The following HS6ST3 variants were observed in gnomAD, a reference collection of about 807,000 sequenced individuals.
HS6ST3 encodes heparan-sulfate 6-O-sulfotransferase 3.
HS6ST3 carries 12 observed loss-of-function variants against 36.7 expected under a neutral mutation model. The observed-to-expected ratio is 0.33, with a 90% confidence interval of 0.21 to 0.53. HS6ST3 has a LOEUF of 0.53. HS6ST3 is among the 20% of genes least tolerant of loss of function. The pLI is 0.95. For missense variants in HS6ST3, 584 were observed against 640.9 expected (o/e 0.91, Z 0.96); for synonymous variants, 240 against 257.5 (o/e 0.93, Z 0.65).
chr13:96,134,370 CCT>C (rs887342241), intron 1 of HS6ST3, among the ~76,000 whole-genome samples: 5 of 150,818 alleles, frequency 3.3e-5, no homozygotes, highest in African/African-American at 1.2e-4. Context: ...TTTTTTACCC[CCT>C]CTTTTTTGGT....
At chr13:96,784,758 C>G (rs1428182368) in intron 1 of HS6ST3, among the ~76,000 whole-genome samples, 1 of 152,120 alleles carries the variant, frequency 6.6e-6, no homozygotes, top group Non-Finnish European at 1.5e-5. Flanking sequence ...TACCTTCTGC[C>G]AAGCCCTTCC....
intron 1 of HS6ST3, among the ~76,000 whole-genome samples, chr13:96,711,253 A>G (rs1183957968): frequency 6.6e-6 from 1 of 152,036 alleles, no homozygotes; most frequent in African/African-American, 2.4e-5. Context: ...TGAATAACCC[A>G]ACCTCTCAAT....
intron 1 of HS6ST3, among the ~76,000 whole-genome samples, chr13:96,430,519 T>C (rs2055609924): frequency 6.6e-6 from 1 of 152,196 alleles, no homozygotes; most frequent in African/African-American, 2.4e-5. Flanking sequence ...GCCCTCATTG[T>C]TGCCATGAAC....
chr13:96,327,808 A>G (rs2055041231), intron 1 of HS6ST3, among the ~76,000 whole-genome samples: 4 of 151,904 alleles, frequency 2.6e-5, no homozygotes, highest in African/African-American at 7.3e-5. Flanking sequence ...CTTCCTACCC[A>G]TGAGCATGGA....
chr13:96,358,451 C>T (rs937580384), intron 1 of HS6ST3, among the ~76,000 whole-genome samples: 2 of 152,016 alleles, frequency 1.3e-5, no homozygotes, highest in African/African-American at 4.8e-5. Context: ...CATCTGGTCT[C>T]ATCATGAGGA....
intron 1 of HS6ST3, among the ~76,000 whole-genome samples, chr13:96,769,687 CT>C (rs1228877945): frequency 6.6e-6 from 1 of 150,836 alleles, no homozygotes; most frequent in African/African-American, 2.4e-5. Flanking sequence ...AACAATTACT[CT>C]TTTGGGGGAC....
chr13:96,592,360 T>C (rs1034665377), intron 1 of HS6ST3, among the ~76,000 whole-genome samples: 21 of 152,300 alleles, frequency 1.4e-4, no homozygotes, highest in African/African-American at 4.8e-4. Flanking sequence ...TACTATCTTA[T>C]TGTACTATGT....
At chr13:96,656,998 T>TGTGTGAGAGAGAGAGA (rs1397374817) in intron 1 of HS6ST3, among the ~76,000 whole-genome samples, 1 of 98,276 alleles carries the variant, frequency 1.0e-5, no homozygotes, top group African/African-American at 4.3e-5. Flanking sequence ...TGTGTGTGTG[T>TGTGTGAGAGAGAGAGA]GAGAGAGAGA....
chr13:96,768,050 A>G (rs1367630167), intron 1 of HS6ST3, among the ~76,000 whole-genome samples: 1 of 152,192 alleles, frequency 6.6e-6, no homozygotes, highest in African/African-American at 2.4e-5. Context: ...CTAAGGTCAT[A>G]CCACCTTGTT....
intron 1 of HS6ST3, among the ~76,000 whole-genome samples, chr13:96,649,142 C>T (rs1457749972): frequency 6.6e-6 from 1 of 151,986 alleles, no homozygotes; most frequent in Admixed American, 6.6e-5. Flanking sequence ...ATAGTCTGCT[C>T]TCACAGTGCT....
At chr13:96,257,263 A>G (rs2054641705) in intron 1 of HS6ST3, among the ~76,000 whole-genome samples, 1 of 152,184 alleles carries the variant, frequency 6.6e-6, no homozygotes, top group African/African-American at 2.4e-5. Context: ...TTTGCCATCT[A>G]TCTACTGTGC....
At chr13:96,449,551 T>C (rs1273407353) in intron 1 of HS6ST3, among the ~76,000 whole-genome samples, 1 of 152,200 alleles carries the variant, frequency 6.6e-6, no homozygotes, top group Non-Finnish European at 1.5e-5. Context: ...GATCTCTTTA[T>C]AGGGTAGGCC....
At chr13:96,592,783 A>C (rs2056387344) in intron 1 of HS6ST3, among the ~76,000 whole-genome samples, 1 of 152,076 alleles carries the variant, frequency 6.6e-6, no homozygotes, top group Non-Finnish European at 1.5e-5. Context: ...TAAGAGTTGC[A>C]CTAAAAAGTC....
intron 1 of HS6ST3, among the ~76,000 whole-genome samples, chr13:96,497,158 A>C (rs1043921619): frequency 6.6e-6 from 1 of 152,144 alleles, no homozygotes; most frequent in Admixed American, 6.5e-5. Flanking sequence ...TGAATCTGGG[A>C]AACACATCAG....
chr13:96,813,153 G>A (rs1168130697), intron 1 of HS6ST3, among the ~76,000 whole-genome samples: 2 of 152,184 alleles, frequency 1.3e-5, no homozygotes, highest in Admixed American at 1.3e-4. Flanking sequence ...AAGGATAGCA[G>A]CCTAAGTAGA....
intron 1 of HS6ST3, among the ~76,000 whole-genome samples, chr13:96,122,134 T>TTATTAC (rs943926864): frequency 6.7e-6 from 1 of 148,660 alleles, no homozygotes; most frequent in Non-Finnish European, 1.5e-5. Flanking sequence ...ATTATTATTA[T>TTATTAC]TACTATTATT....
rs186868627 is a variant in HS6ST3, at chr13:96,194,032, C to T, written c.707+102463C>T. Reference sequence around the variant, plus strand: ...TATTGGACGTTTACAATGGGCTAAGCGTTTGTGATCTGAGCTTTGTGGAAT... The same window carrying T: ...TATTGGACGTTTACAATGGGCTAAGTGTTTGTGATCTGAGCTTTGTGGAAT... On this transcript the variant is annotated intron_variant, in intron 1 of 1. Transcript: ENST00000376705. Among the ~76,000 whole-genome samples, 142 of 152,242 alleles carry T rather than the reference C, an allele frequency of 9.3e-4. 2 individuals carry two copies. Among genetic ancestry groups the T allele is most frequent in the Admixed American group, 1.4e-3 (22 of 15,292 alleles).
chr13:96,153,222 C>T (rs2054095541), intron 1 of HS6ST3, among the ~76,000 whole-genome samples: 1 of 152,184 alleles, frequency 6.6e-6, no homozygotes, highest in South Asian at 2.1e-4. Context: ...GCCTAGGATG[C>T]TGCCTTGAAT....
intron 1 of HS6ST3, among the ~76,000 whole-genome samples, chr13:96,538,546 T>C (rs2056164907): frequency 6.6e-6 from 1 of 152,168 alleles, no homozygotes; most frequent in Admixed American, 6.5e-5. Flanking sequence ...TGGGTTCAGG[T>C]GATTCTCATG....
Sources: gnomAD v4.1 joint callset for allele counts (sites outside exome capture counted in the v4.1 genomes callset) on GRCh38, gnomAD v4.1.1 for gene constraint, MANE v1.5 for transcripts, NCBI Gene and HGNC (gene_info 2026-07-23, HGNC 2026-07-21) for gene names.